PDE11A: variants seen among roughly 807,000 people sequenced by gnomAD.
PDE11A encodes the protein phosphodiesterase 11A.
Under a neutral mutation model 100.5 loss-of-function variants are expected in PDE11A, and 100 were observed. The observed-to-expected ratio is 1.00, with a 90% confidence interval of 0.85 to 1.18. The LOEUF is 1.18. PDE11A is among the 50% of genes most tolerant of loss of function. The pLI is 0.00. For missense variants in PDE11A, 1,141 were observed against 1,152.6 expected (o/e 0.99, Z 0.15); for synonymous variants, 381 against 420.8 (o/e 0.91, Z 1.16).
intron 17 of PDE11A, among the ~76,000 whole-genome samples, chr2:177,674,091 C>G (rs971899447): frequency 6.6e-6 from 1 of 152,120 alleles, no homozygotes; most frequent in Non-Finnish European, 1.5e-5. Flanking sequence ...ACTGATGCAT[C>G]ATGTGAAGGA....
intron 2 of PDE11A, among the ~76,000 whole-genome samples, chr2:177,914,014 C>T (rs1013254205): frequency 3.3e-5 from 5 of 152,254 alleles, no homozygotes; most frequent in East Asian, 1.9e-4. Context: ...GATTCATTTA[C>T]CCCAACTCAT....
intron 16 of PDE11A, among the ~76,000 whole-genome samples, chr2:177,677,072 T>G (rs1274097442): frequency 6.6e-6 from 1 of 152,204 alleles, no homozygotes. Flanking sequence ...CTCTATGAGG[T>G]TGCCTATTTG....
Position 177,680,874 on chromosome 2 carries a change from C to T in PDE11A, c.2375G>A (p.Ser792Asn), listed in dbSNP as rs748809734. ...ERRTEFFELVSKGEYDWNIKN... is the reference protein window; with the variant it reads ...ERRTEFFELVNKGEYDWNIKN... ...GATGTTCCAATCGTATTCTCCTTTA[C>T]TGACAAGTTCAAAGAATTCAGTTCT... The change falls in exon 16 of 20, where the codon AGT (serine) becomes AAT (asparagine). Residue 792 changes from serine (S) to asparagine (N), a missense_variant. Coordinates refer to ENST00000286063, the MANE Select transcript of PDE11A (RefSeq NM_016953.4). The T allele has an allele frequency of 1.9e-6, 3 of 1,593,380 alleles. No homozygotes were observed. Among genetic ancestry groups the T allele is most frequent in the Non-Finnish European group, 2.6e-6 (3 of 1,162,234 alleles).
intron 2 of PDE11A, among the ~76,000 whole-genome samples, chr2:177,969,748 C>T (rs2085746368): frequency 1.3e-5 from 2 of 152,102 alleles, no homozygotes; most frequent in South Asian, 2.1e-4. Context: ...GATTGTATTA[C>T]ACTACTTTGT....
At chr2:177,753,790 T>A (rs2105480145) in intron 10 of PDE11A, among the ~76,000 whole-genome samples, 1 of 151,164 alleles carries the variant, frequency 6.6e-6, no homozygotes, top group East Asian at 1.9e-4. Context: ...GGGGCCAACA[T>A]CTATCTTGTA....
At chr2:177,951,494 A>T (rs954665719) in intron 2 of PDE11A, among the ~76,000 whole-genome samples, 1 of 152,216 alleles carries the variant, frequency 6.6e-6, no homozygotes, top group African/African-American at 2.4e-5. Context: ...ATCCTACCCC[A>T]CTTGAAATCA....
intron 12 of PDE11A, among the ~76,000 whole-genome samples, chr2:177,720,282 A>C (rs2081506735): frequency 1.3e-5 from 2 of 152,146 alleles, no homozygotes; most frequent in South Asian, 4.1e-4. Flanking sequence ...GCAGATTTCA[A>C]TTGCTTACTA....
At chr2:177,882,846 T>C (rs932904991) in intron 4 of PDE11A, among the ~76,000 whole-genome samples, 9 of 152,132 alleles carry the variant, frequency 5.9e-5, no homozygotes, top group African/African-American at 2.2e-4. Context: ...GTTAAAAAAA[T>C]AAAAACTATA....
chr2:177,858,804 T>C (rs1341325868), intron 5 of PDE11A, among the ~76,000 whole-genome samples: 1 of 152,178 alleles, frequency 6.6e-6, no homozygotes, highest in Non-Finnish European at 1.5e-5. Context: ...CACATATGTT[T>C]ACTGCAGCAC....
At chr2:177,722,285 A>C (rs1368907012) in intron 12 of PDE11A, among the ~76,000 whole-genome samples, 1 of 152,198 alleles carries the variant, frequency 6.6e-6, no homozygotes, top group Non-Finnish European at 1.5e-5. Context: ...TACATGTCCT[A>C]AGAAAAATAC....
intron 10 of PDE11A, among the ~76,000 whole-genome samples, chr2:177,752,944 A>G (rs1432092005): frequency 6.6e-6 from 1 of 152,212 alleles, no homozygotes; most frequent in Non-Finnish European, 1.5e-5. Flanking sequence ...AGTTATAGTT[A>G]ATTTCCAATC....
chr2:177,628,106 T>C lies in PDE11A; in HGVS notation c.*1301A>G, dbSNP rs1012381167. On this transcript the variant is annotated 3_prime_UTR_variant, in exon 20 of 20. Coordinates refer to ENST00000286063, the MANE Select transcript of PDE11A (RefSeq NM_016953.4). Reference sequence around the variant, plus strand: ...TATATGTTGGGGATTCATTGAAAGATTTATTTGAACAAAGAGTTGTAAGGT... The same window carrying C: ...TATATGTTGGGGATTCATTGAAAGACTTATTTGAACAAAGAGTTGTAAGGT... The C allele has an allele frequency of 8.5e-5, 13 of 152,470 alleles. No individual in the cohort carries two copies. Among genetic ancestry groups the C allele is most frequent in the Non-Finnish European group, 1.9e-4 (13 of 68,028 alleles). 9.4% of individuals were successfully genotyped at this position (152,470 alleles called of 1,614,324 possible).
intron 5 of PDE11A, among the ~76,000 whole-genome samples, chr2:177,850,628 T>C (rs1269639946): frequency 1.3e-5 from 2 of 152,050 alleles, no homozygotes; most frequent in Non-Finnish European, 2.9e-5. Context: ...ATTTTTACAA[T>C]CTACTCATCT....
intron 18 of PDE11A, among the ~76,000 whole-genome samples, chr2:177,665,553 T>G (rs1013612075): frequency 2.0e-5 from 3 of 151,262 alleles, no homozygotes; most frequent in Non-Finnish European, 4.4e-5. Context: ...ACAAAATGTT[T>G]CTTTAAAAAA....
chr2:177,765,576 AG>A (rs1296567809), intron 10 of PDE11A, among the ~76,000 whole-genome samples: 1 of 152,242 alleles, frequency 6.6e-6, no homozygotes, highest in Non-Finnish European at 1.5e-5. Context: ...ACGGGTCCGT[AG>A]TGATGCTTCC....
intron 2 of PDE11A, among the ~76,000 whole-genome samples, chr2:178,085,884 C>T (rs535662695): frequency 6.6e-5 from 10 of 152,244 alleles, no homozygotes; most frequent in Admixed American, 3.9e-4. Flanking sequence ...GCACAAAGTA[C>T]GATTGACAAA....
At chr2:177,780,138 T>C (rs887785137) in intron 9 of PDE11A, among the ~76,000 whole-genome samples, 4 of 152,202 alleles carry the variant, frequency 2.6e-5, no homozygotes, top group Admixed American at 2.6e-4. Context: ...GAGCAGTAAG[T>C]CTCAATGGGA....
In PDE11A at chr2:178,072,300, CT is replaced by C. The variant is rs756967751; in HGVS notation, c.137del (p.Gln46ArgfsTer4). The C allele has an allele frequency of 3.7e-6, 6 of 1,613,940 alleles. No individual in the cohort carries two copies. Among genetic ancestry groups the C allele is most frequent in the Non-Finnish European group, 5.1e-6 (6 of 1,179,986 alleles). On this transcript the variant is annotated frameshift_variant, in exon 1 of 20. Coordinates refer to ENST00000286063, the MANE Select transcript of PDE11A (RefSeq NM_016953.4). LOFTEE classifies it high-confidence loss of function. ...AAGAGGGCCTTGGACCTAAAGCCCCCTGACCCTGACTGTGCCTCTGCAGCCA... is the reference window on the plus strand; with the variant it reads ...AAGAGGGCCTTGGACCTAAAGCCCCCGACCCTGACTGTGCCTCTGCAGCCA... ...EKWLQRHSQG[Q>X]GALGPRPSLA...
At chr2:177,872,348 G>A (rs1385918103) in intron 5 of PDE11A, among the ~76,000 whole-genome samples, 1 of 152,170 alleles carries the variant, frequency 6.6e-6, no homozygotes, top group Non-Finnish European at 1.5e-5. Flanking sequence ...GTCACTAGAG[G>A]TGTTGCCAGT....
Sources: gnomAD v4.1 joint callset for allele counts (sites outside exome capture counted in the v4.1 genomes callset) on GRCh38, gnomAD v4.1.1 for gene constraint, MANE v1.5 for transcripts, NCBI Gene and HGNC (gene_info 2026-07-23, HGNC 2026-07-21) for gene names.